Variants in PPP2R2B observed in about 807,000 individuals in gnomAD.
PPP2R2B encodes serine/threonine-protein phosphatase 2A 55 kDa regulatory subunit B beta isoform.
In PPP2R2B, 5 loss-of-function variants were observed where a neutral mutation model predicts 46.0. That is an observed-to-expected ratio of 0.11 (90% confidence interval 0.06 to 0.23). The LOEUF (loss-of-function observed/expected upper bound fraction) is 0.23. Among genes scored for constraint, PPP2R2B ranks in the 10% least tolerant of loss-of-function variants. PPP2R2B has a pLI of 1.00. For missense variants in PPP2R2B, 367 were observed against 575.0 expected (o/e 0.64, Z 3.70); for synonymous variants, 215 against 206.7 (o/e 1.04, Z -0.34).
chr5:146,831,748 C>G (rs1336890211), intron 2 of PPP2R2B, among the ~76,000 whole-genome samples: 1 of 152,164 alleles, frequency 6.6e-6, no homozygotes, highest in African/African-American at 2.4e-5. Context: ...CGAGATTGTG[C>G]CAGCTTGGGT....
In PPP2R2B at chr5:146,625,498, G is replaced by A. The variant is rs113403519; in HGVS notation, c.790+12753C>T. 7.3e-3 allele frequency among the ~76,000 whole-genome samples: 1,109 copies of A among 152,264 alleles called. 13 individuals are homozygous for A. Among genetic ancestry groups the A allele is most frequent in the African/African-American group, 0.025 (1,050 of 41,528 alleles). On this transcript the variant is annotated intron_variant, in intron 7 of 9. Transcript: ENST00000394411. The stretch of plus-strand genomic sequence containing the variant: ...TAGCACTTTCACTGTCCTAAATGCT[G>A]AGGGGGTTTGAGAAAAGAGTCTAGC...
chr5:146,879,846 T>C (rs376705197), upstream of PPP2R2B, among the ~76,000 whole-genome samples: 2 of 152,234 alleles, frequency 1.3e-5, no homozygotes, highest in East Asian at 1.9e-4. Flanking sequence ...AGGTTTCATC[T>C]TGTAGAAGGT....
chr5:146,620,111 T>G (rs941839779), intron 7 of PPP2R2B, among the ~76,000 whole-genome samples: 5 of 152,138 alleles, frequency 3.3e-5, no homozygotes, highest in African/African-American at 1.2e-4. Context: ...AAGGACCATA[T>G]GGTCTCTGAG....
intron 2 of PPP2R2B, among the ~76,000 whole-genome samples, chr5:146,858,353 C>A (rs2151389996): frequency 6.6e-6 from 1 of 152,288 alleles, no homozygotes; most frequent in South Asian, 2.1e-4. Flanking sequence ...CTAAAAACAA[C>A]CAACTACTCA....
chr5:146,985,907 A>G (rs910437049), intron 1 of PPP2R2B, among the ~76,000 whole-genome samples: 2 of 152,236 alleles, frequency 1.3e-5, no homozygotes, highest in South Asian at 2.1e-4. Context: ...TATCATTTCT[A>G]TACAAAAACA....
intron 7 of PPP2R2B, among the ~76,000 whole-genome samples, chr5:146,628,828 C>T (rs774196970): frequency 1.3e-5 from 2 of 152,222 alleles, no homozygotes; most frequent in Non-Finnish European, 2.9e-5. Flanking sequence ...CTTCACCCCT[C>T]TCATCTTTCT....
At chr5:146,931,684 G>T (rs1005052238) in intron 1 of PPP2R2B, among the ~76,000 whole-genome samples, 5 of 152,290 alleles carry the variant, frequency 3.3e-5, no homozygotes, top group South Asian at 2.1e-4. Flanking sequence ...CTGGGGATAA[G>T]TTGGGTGGGT....
At chr5:147,056,094 G>T (rs1012858275), upstream of PPP2R2B, 1 of 1,062,836 alleles carries the variant, frequency 9.4e-7, no homozygotes, top group African/African-American at 1.6e-5. Context: ...ACCTTTTCCC[G>T]TGTGGTGAGT....
At chr5:146,775,569 C>T (rs1265416681) in intron 2 of PPP2R2B, among the ~76,000 whole-genome samples, 1 of 152,096 alleles carries the variant, frequency 6.6e-6, no homozygotes, top group Non-Finnish European at 1.5e-5. Flanking sequence ...TTATATTCAA[C>T]AAAGATGCCT....
intron 2 of PPP2R2B, among the ~76,000 whole-genome samples, chr5:146,773,478 T>G (rs917172520): frequency 2.6e-5 from 4 of 152,214 alleles, no homozygotes; most frequent in African/African-American, 9.7e-5. Context: ...ATTCTACAAC[T>G]CCACTTTTAG....
chr5:146,697,733 T>C (rs934879251), intron 4 of PPP2R2B, among the ~76,000 whole-genome samples: 3 of 152,336 alleles, frequency 2.0e-5, no homozygotes, highest in African/African-American at 7.2e-5. Flanking sequence ...TCTGCAATAG[T>C]TGAAAACTGC....
In PPP2R2B at chr5:146,774,836, A is replaced by C. The variant is rs765853442; in HGVS notation, c.71-73694T>G. Reference sequence around the variant, plus strand: ...TGTCTCAAAAAAAAAAAAAAAAGAAAAGAGAGAGAATATTATGAATAACTG... The same window carrying C: ...TGTCTCAAAAAAAAAAAAAAAAGAACAGAGAGAGAATATTATGAATAACTG... On this transcript the variant is annotated intron_variant, in intron 2 of 9. Transcript: ENST00000394411. Among the ~76,000 whole-genome samples, 227 of 152,050 alleles carry C rather than the reference A, an allele frequency of 1.5e-3. 2 individuals are homozygous for C. Among genetic ancestry groups the C allele is most frequent in the Middle Eastern group, 0.01 (3 of 294 alleles).
chr5:146,806,294 C>G (rs1757172912), intron 2 of PPP2R2B, among the ~76,000 whole-genome samples: 2 of 152,108 alleles, frequency 1.3e-5, no homozygotes, highest in African/African-American at 4.8e-5. Flanking sequence ...TCAGGCCTAC[C>G]AAGGAAATGT....
At chr5:146,757,681 T>C (rs1430562013) in intron 2 of PPP2R2B, among the ~76,000 whole-genome samples, 1 of 152,146 alleles carries the variant, frequency 6.6e-6, no homozygotes. Flanking sequence ...TGTACAAACA[T>C]GCGATATGGG....
At chr5:146,848,944 A>G (rs1337329710) in intron 2 of PPP2R2B, among the ~76,000 whole-genome samples, 21 of 152,114 alleles carry the variant, frequency 1.4e-4, no homozygotes, top group Admixed American at 1.4e-3. Context: ...GCTATATTTT[A>G]TTGCTCGGAT....
chr5:146,628,817 A>T (rs1175110203), intron 7 of PPP2R2B, among the ~76,000 whole-genome samples: 1 of 152,090 alleles, frequency 6.6e-6, no homozygotes, highest in East Asian at 1.9e-4. Context: ...TCCCATGATC[A>T]CTTCACCCCT....
chr5:146,672,798 T>C (rs904524474), intron 5 of PPP2R2B, among the ~76,000 whole-genome samples: 2 of 152,202 alleles, frequency 1.3e-5, no homozygotes, highest in Non-Finnish European at 2.9e-5. Context: ...GACTCACAAC[T>C]CTCTCCGACG....
chr5:146,727,979 T>C (rs970464530), intron 2 of PPP2R2B, among the ~76,000 whole-genome samples: 2 of 152,126 alleles, frequency 1.3e-5, no homozygotes, highest in East Asian at 1.9e-4. Context: ...AGTATTTGTG[T>C]GCTTGGATGG....
intron 2 of PPP2R2B, among the ~76,000 whole-genome samples, chr5:146,773,479 C>A (rs1754993359): frequency 6.6e-6 from 1 of 152,186 alleles, no homozygotes; most frequent in African/African-American, 2.4e-5. Flanking sequence ...TTCTACAACT[C>A]CACTTTTAGT....
Sources: gnomAD v4.1 joint callset for allele counts (sites outside exome capture counted in the v4.1 genomes callset) on GRCh38, gnomAD v4.1.1 for gene constraint, MANE v1.5 for transcripts, NCBI Gene and HGNC (gene_info 2026-07-23, HGNC 2026-07-21) for gene names.